ATP11A: variants seen among roughly 807,000 people sequenced by gnomAD.
ATP11A encodes ATPase phospholipid transporting 11A.
A neutral mutation model predicts 154.4 loss-of-function variants in ATP11A; 81 were observed. The observed-to-expected ratio is 0.52, with a 90% CI of 0.44 to 0.63. ATP11A has a LOEUF of 0.63. ATP11A is among the 30% of genes least tolerant of loss of function. The pLI, the probability that ATP11A is intolerant of heterozygous loss-of-function variation, is 0.00. For synonymous variants in ATP11A, 623 were observed against 585.9 expected (o/e 1.06, Z -0.91); for missense variants, 1,316 against 1,474.3 (o/e 0.89, Z 1.76).
intron 1 of ATP11A, among the ~76,000 whole-genome samples, chr13:112,760,538 A>C (rs1426161197): frequency 2.6e-5 from 4 of 152,242 alleles, no homozygotes; most frequent in Non-Finnish European, 5.9e-5. Context: ...CTTTTTAAAA[A>C]AGATTTGATC....
In ATP11A at chr13:112,747,879, G is replaced by C. The variant is rs75220407; in HGVS notation, c.40-37256G>C. On this transcript the variant is annotated intron_variant, in intron 1 of 29. Transcript: ENST00000375645. ...AAAACGAAGGAACACAGGATTGTAT[G>C]CAGAAAGAAAGGGTAAGGCAAAATT... 9.9e-3 allele frequency among the ~76,000 whole-genome samples: 1,507 copies of C among 152,128 alleles called. 23 individuals carry two copies. Among genetic ancestry groups the C allele is most frequent in the African/African-American group, 0.031 (1,301 of 41,496 alleles).
chr13:112,769,426 T>A (rs1424225246), intron 1 of ATP11A, among the ~76,000 whole-genome samples: 2 of 152,258 alleles, frequency 1.3e-5, no homozygotes, highest in South Asian at 2.1e-4. Context: ...AAGGAGCCCG[T>A]GACCCGGGTC....
chr13:112,816,572 C>A (rs1025237478), intron 6 of ATP11A, among the ~76,000 whole-genome samples: 2 of 152,286 alleles, frequency 1.3e-5, no homozygotes, highest in Admixed American at 1.3e-4. Flanking sequence ...CTACTCGATG[C>A]GGCAAAACCC....
At chr13:112,734,867 C>T (rs1421629604) in intron 1 of ATP11A, among the ~76,000 whole-genome samples, 1 of 152,154 alleles carries the variant, frequency 6.6e-6, no homozygotes, top group African/African-American at 2.4e-5. Flanking sequence ...TCTGCCCACG[C>T]CCCCATTTCC....
intron 1 of ATP11A, among the ~76,000 whole-genome samples, chr13:112,784,254 G>A (rs2077566878): frequency 6.6e-6 from 1 of 152,204 alleles, no homozygotes; most frequent in South Asian, 2.1e-4. Context: ...TCGGGTCATT[G>A]CCATGGAAAG....
chr13:112,856,339 G>T, intron 20 of ATP11A: 1 of 279,594 alleles, frequency 3.6e-6, no homozygotes, highest in Admixed American at 5.1e-5. Flanking sequence ...TGCCCTGGCT[G>T]ACTTCTGTTA....
chr13:112,860,372 A>G lies in ATP11A; in HGVS notation c.2813A>G (p.His938Arg). Residue 938 changes from histidine to arginine, a missense_variant, in exon 24 of 30, where the codon CAT becomes CGT. By Grantham distance (29) the His-to-Arg change is conservative. Transcript: ENST00000375645. Reference protein sequence around the residue: ...PILLYSLMEQHVGIDVLKRDP... With the variant: ...PILLYSLMEQRVGIDVLKRDP... Reference sequence around the variant, plus strand: ...CTCCTGTACAGCCTCATGGAGCAGCATGTTGGCATTGACGTGCTCAAGAGA... The same window carrying G: ...CTCCTGTACAGCCTCATGGAGCAGCGTGTTGGCATTGACGTGCTCAAGAGA... 1 of 1,614,100 alleles carries G rather than the reference A, an allele frequency of 6.2e-7. No individual in the cohort carries two copies. The highest frequency in any genetic ancestry group is 8.5e-7 in the Non-Finnish European group (1 of 1,180,016).
At chr13:112,760,760 C>T (rs2076944551) in intron 1 of ATP11A, among the ~76,000 whole-genome samples, 1 of 152,096 alleles carries the variant, frequency 6.6e-6, no homozygotes, top group Non-Finnish European at 1.5e-5. Flanking sequence ...ATATTTATTG[C>T]TTTGATCTGA....
chr13:112,850,711 G>T (rs1363620524), intron 17 of ATP11A, among the ~76,000 whole-genome samples: 2 of 151,864 alleles, frequency 1.3e-5, no homozygotes, highest in Non-Finnish European at 2.9e-5. Context: ...TCAAAATAAA[G>T]GAACAAATTT....
At chr13:112,761,175 G>A (rs2076953686) in intron 1 of ATP11A, among the ~76,000 whole-genome samples, 1 of 152,136 alleles carries the variant, frequency 6.6e-6, no homozygotes, top group African/African-American at 2.4e-5. Context: ...CAGTGCTCGT[G>A]TTCAAGGAAC....
chr13:112,856,409 A>C (rs72660059), intron 20 of ATP11A: 1 of 193,408 alleles, frequency 5.2e-6, no homozygotes, highest in Non-Finnish European at 1.1e-5. Context: ...GGTGTAAGGG[A>C]AGGGAGCTGA....
intron 13 of ATP11A, among the ~76,000 whole-genome samples, 182 bp from the exon 14 acceptor site, chr13:112,832,678 G>A (rs2079127149): frequency 6.6e-6 from 1 of 152,164 alleles, no homozygotes; most frequent in African/African-American, 2.4e-5. Context: ...AAAACAGAGT[G>A]CTTGAGAACG....
rs564361739 is a variant in ATP11A, at chr13:112,711,448, T to C, written c.39+20993T>C. On this transcript the variant is annotated intron_variant, in intron 1 of 29. Transcript: ENST00000375645. ...ATAGCAAGACCCTGTCTCTGATACATACGTAAATAAAATAAAAGTTAAAAC... is the reference window on the plus strand; with the variant it reads ...ATAGCAAGACCCTGTCTCTGATACACACGTAAATAAAATAAAAGTTAAAAC... Among the ~76,000 whole-genome samples, 60 of 151,458 alleles carry C rather than the reference T, an allele frequency of 4.0e-4. No homozygotes were observed. In the South Asian group the frequency reaches 0.013, roughly 32 times the overall value.
chr13:112,862,314 A>C (rs2080133201), intron 24 of ATP11A, 126 bp from the exon 25 acceptor site: 1 of 1,144,848 alleles, frequency 8.7e-7, no homozygotes, highest in African/African-American at 1.6e-5. Flanking sequence ...CACAAACTTG[A>C]TGTTTACTGG....
chr13:112,765,808 G>A (rs753556659), intron 1 of ATP11A, among the ~76,000 whole-genome samples: 4 of 152,214 alleles, frequency 2.6e-5, no homozygotes, highest in African/African-American at 7.2e-5. Flanking sequence ...AATAATTCTC[G>A]CTGCAGAGCT....
At chr13:112,862,312 T>G in intron 24 of ATP11A, 128 bp from the exon 25 acceptor site, 3 of 1,131,066 alleles carry the variant, frequency 2.7e-6, no homozygotes, top group Non-Finnish European at 3.7e-6. Flanking sequence ...AGCACAAACT[T>G]GATGTTTACT....
At chr13:112,854,659 A>G in intron 19 of ATP11A, 129 bp downstream of exon 19, 1 of 1,125,508 alleles carries the variant, frequency 8.9e-7, no homozygotes, top group Non-Finnish European at 1.2e-6. Flanking sequence ...TGGGGCATTA[A>G]TGCCAGCTTC....
At chr13:112,833,788 G>C (rs1162588164) in intron 14 of ATP11A, among the ~76,000 whole-genome samples, 1 of 152,154 alleles carries the variant, frequency 6.6e-6, no homozygotes, top group Non-Finnish European at 1.5e-5. Context: ...CTTGGAGCTG[G>C]GTTTCTCTCT....
chr13:112,770,733 C>T (rs528685857), intron 1 of ATP11A, among the ~76,000 whole-genome samples: 11 of 152,334 alleles, frequency 7.2e-5, no homozygotes, highest in African/African-American at 2.2e-4. Context: ...CACTGAGAGA[C>T]GGGGGAGGCA....
Sources: gnomAD v4.1 joint callset for allele counts (sites outside exome capture counted in the v4.1 genomes callset) on GRCh38, gnomAD v4.1.1 for gene constraint, MANE v1.5 for transcripts, NCBI Gene and HGNC (gene_info 2026-07-23, HGNC 2026-07-21) for gene names.